Variants in CDRT4 observed in about 807,000 individuals in gnomAD.
CDRT4 encodes CMT1A duplicated region transcript 4 protein.
For synonymous variants in CDRT4, 64 were observed against 69.6 expected, an observed-to-expected ratio of 0.92 and a Z score of 0.40; for missense variants, 167 against 193.1, an observed-to-expected ratio of 0.87 and a Z score of 0.80.
chr17:15,436,236 C>T lies in CDRT4; in HGVS notation c.*1537G>A, dbSNP rs916221179. The T allele has an allele frequency of 3.3e-5, 5 of 152,226 alleles. No individual in the cohort carries two copies. The highest frequency in any genetic ancestry group is 1.2e-4 in the African/African-American group (5 of 41,460). 9.4% of individuals were successfully genotyped at this position (152,226 alleles called of 1,614,324 possible). On this transcript the variant is annotated 3_prime_UTR_variant, in exon 4 of 4. Transcript: ENST00000619038. The stretch of plus-strand genomic sequence containing the variant: ...AGAGGTGAGTTCTCCAAAGCTGCAC[C>T]TGTGTCTGCAAACGTTTACACAAGA...
intron 2 of CDRT4, among the ~76,000 whole-genome samples, chr17:15,446,895 G>A (rs1450270717): frequency 6.6e-6 from 1 of 152,102 alleles, no homozygotes. Context: ...TGGTGAAAAC[G>A]CAGTTCAAGT....
chr17:15,441,551 A>G (rs766368025), intron 2 of CDRT4, among the ~76,000 whole-genome samples: 42 of 152,274 alleles, frequency 2.8e-4, no homozygotes, highest in Middle Eastern at 3.4e-3. Flanking sequence ...CCTCCGAGAT[A>G]AGCAGTTCCC....
chr17:15,446,766 G>A (rs1408749538), intron 2 of CDRT4, among the ~76,000 whole-genome samples: 1 of 152,130 alleles, frequency 6.6e-6, no homozygotes, highest in East Asian at 1.9e-4. Context: ...CACAGACTTG[G>A]CATTACTGAT....
rs150757493 is a variant in CDRT4, at chr17:15,466,361, C to T, written c.-130+1099G>A. Among the ~76,000 whole-genome samples, 789 of 152,264 alleles carry T rather than the reference C, an allele frequency of 5.2e-3. 7 individuals carry two copies. The highest frequency in any genetic ancestry group is 0.024 in the Middle Eastern group (7 of 294). Reference sequence around the variant, plus strand: ...GCCTGGGCGCTGGGCCAGCTTCCACCCAGATGGGGAGAAGGGAAGGGCTGC... The same window carrying T: ...GCCTGGGCGCTGGGCCAGCTTCCACTCAGATGGGGAGAAGGGAAGGGCTGC... On this transcript the variant is annotated intron_variant, in intron 1 of 3. Coordinates refer to ENST00000619038, the MANE Select transcript of CDRT4 (RefSeq NM_001204477.2).
chr17:15,465,878 G>A (rs1032045229), intron 1 of CDRT4, among the ~76,000 whole-genome samples: 2 of 152,028 alleles, frequency 1.3e-5, no homozygotes, highest in South Asian at 2.1e-4. Flanking sequence ...CCCTGAGGGT[G>A]GTAGCAGCAG....
At chr17:15,446,671 CCGTG>C (rs1979042726) in intron 2 of CDRT4, among the ~76,000 whole-genome samples, 1 of 152,122 alleles carries the variant, frequency 6.6e-6, no homozygotes, top group Admixed American at 6.5e-5. Flanking sequence ...CTTATACAGA[CCGTG>C]CCTCTTTCTG....
At chr17:15,457,177 C>A (rs1979524347) in intron 1 of CDRT4, among the ~76,000 whole-genome samples, 1 of 152,170 alleles carries the variant, frequency 6.6e-6, no homozygotes, top group African/African-American at 2.4e-5. Context: ...GTCTCTGAAA[C>A]CTCTTGGCAC....
intron 1 of CDRT4, among the ~76,000 whole-genome samples, chr17:15,466,576 G>A (rs1013722784): frequency 3.3e-5 from 5 of 152,064 alleles, no homozygotes; most frequent in African/African-American, 1.2e-4. Flanking sequence ...CCAGGCTGGA[G>A]TGCAGTGGCA....
chr17:15,437,739 C>T lies in CDRT4; in HGVS notation c.*34G>A. Reference sequence around the variant, plus strand: ...TCTTGGGGAATGGCTGCAGGGACCCCTGGCTAAAACATTTGCATGTTTCTC... The same window carrying T: ...TCTTGGGGAATGGCTGCAGGGACCCTTGGCTAAAACATTTGCATGTTTCTC... On this transcript the variant is annotated 3_prime_UTR_variant, in exon 4 of 4. Transcript: ENST00000619038. The T allele has an allele frequency of 1.2e-6, 2 of 1,601,782 alleles. No homozygotes were observed. The highest frequency in any genetic ancestry group is 1.7e-6 in the Non-Finnish European group (2 of 1,170,862).
chr17:15,444,035 T>C, intron 2 of CDRT4: 1 of 850,750 alleles, frequency 1.2e-6, no homozygotes, highest in African/African-American at 1.6e-5. Flanking sequence ...GTTCAGTATC[T>C]CAAACCCAGA....
intron 1 of CDRT4, among the ~76,000 whole-genome samples, chr17:15,456,229 T>G (rs1373464704): frequency 1.3e-5 from 2 of 152,140 alleles, no homozygotes; most frequent in Non-Finnish European, 2.9e-5. Flanking sequence ...AAGCAGATTT[T>G]GACAAGGTCA....
chr17:15,440,307 A>G, intron 2 of CDRT4, 22 bp from the exon 3 acceptor site: 1 of 1,606,942 alleles, frequency 6.2e-7, no homozygotes. Flanking sequence ...TACACTTGTT[A>G]GCCAGAGCCT....
intron 2 of CDRT4, among the ~76,000 whole-genome samples, chr17:15,448,533 C>A: frequency 6.6e-6 from 1 of 152,186 alleles, no homozygotes; most frequent in Admixed American, 6.5e-5. Flanking sequence ...GAGACACACA[C>A]CCTCTCTCCC....
At chr17:15,445,431 T>C (rs1367032145) in intron 2 of CDRT4, among the ~76,000 whole-genome samples, 4 of 152,188 alleles carry the variant, frequency 2.6e-5, no homozygotes, top group Non-Finnish European at 4.4e-5. Flanking sequence ...GTCTGATATA[T>C]GTTAACTTGT....
At chr17:15,457,967 G>A (rs1306790440) in intron 1 of CDRT4, among the ~76,000 whole-genome samples, 1 of 152,238 alleles carries the variant, frequency 6.6e-6, no homozygotes, top group African/African-American at 2.4e-5. Flanking sequence ...AGGAAACAGA[G>A]AGGGGCTCAG....
rs951270268 is a variant in CDRT4 at position 15,464,952 on chromosome 17, C to A, written c.-130+2508G>T. 5.3e-5 allele frequency among the ~76,000 whole-genome samples: 8 copies of A among 151,974 alleles called. No individual in the cohort carries two copies. Among genetic ancestry groups the A allele is most frequent in the African/African-American group, 1.7e-4 (7 of 41,356 alleles). The stretch of plus-strand genomic sequence containing the variant: ...GGTGCAACACACACACACACCAACA[C>A]ACAGACACACACACCAACAGACACA... On this transcript the variant is annotated intron_variant, in intron 1 of 3. Coordinates refer to ENST00000619038, the MANE Select transcript of CDRT4 (RefSeq NM_001204477.2). The surrounding 1 kb of genome is among the most constrained non-coding windows in gnomAD (Gnocchi z 4.5).
In CDRT4 at chr17:15,450,785, T is replaced by C. The variant is rs117630831; in HGVS notation, c.-48+2219A>G. On this transcript the variant is annotated intron_variant, in intron 2 of 3. Transcript: ENST00000619038. This position sits in a 1 kb window ranked among gnomAD's most constrained non-coding sequence, Gnocchi z 4.2. ...CAAACAAACTCTTGACCTTACTCCA[T>C]AAAATGTTCCTCTCTGGTCTCTTCC... Among the ~76,000 whole-genome samples, 1 of 152,294 alleles carries C rather than the reference T, an allele frequency of 6.6e-6. No individual in the cohort carries two copies. The highest frequency in any genetic ancestry group is 1.9e-4 in the East Asian group (1 of 5,184).
chr17:15,437,504 T>G lies in CDRT4; in HGVS notation c.*269A>C. Reference sequence around the variant, plus strand: ...CCTGGACCCAGACAAATCACCCACATTTTGGTCCTGAGAATCTGCAGCAGA... The same window carrying G: ...CCTGGACCCAGACAAATCACCCACAGTTTGGTCCTGAGAATCTGCAGCAGA... On this transcript the variant is annotated 3_prime_UTR_variant, in exon 4 of 4. Transcript: ENST00000619038. 3 of 501,754 alleles carry G rather than the reference T, an allele frequency of 6.0e-6. No individual in the cohort carries two copies. Among genetic ancestry groups the G allele is most frequent in the East Asian group, 6.7e-5 (2 of 30,006 alleles). The allele number at this position is 501,754 out of a possible 1,614,324, so 31.1% of individuals were successfully genotyped here.
At position 15,438,235 on chromosome 17, in the gene CDRT4, C is replaced by A. The variant is rs777226519; in HGVS notation, c.32-35G>T. 3 of 1,589,870 alleles carry A rather than the reference C, an allele frequency of 1.9e-6. No homozygotes were observed. The African/African-American group carries it at 4.1e-5, about 22-fold the overall frequency. On this transcript the variant is annotated intron_variant, in intron 3 of 3. Coordinates refer to ENST00000619038, the MANE Select transcript of CDRT4 (RefSeq NM_001204477.2). ...AAGAGAAATGCAGGCCATTTAGAGG[C>A]AGTCACATGCAATAGCTTGATTCTT...
Sources: allele counts gnomAD v4.1 joint callset (sites outside exome capture counted in the v4.1 genomes callset), GRCh38; gene constraint gnomAD v4.1.1; non-coding constraint Gnocchi (gnomAD v3.1); transcripts MANE v1.5; gene names NCBI Gene and HGNC (gene_info 2026-07-23, HGNC 2026-07-21).